SCN2A: variants seen among roughly 807,000 people sequenced by gnomAD.
The protein encoded by SCN2A is sodium channel protein type 2 subunit alpha.
Under a neutral mutation model 188.7 loss-of-function variants are expected in SCN2A, and 20 were observed. That is an observed-to-expected ratio of 0.11 (90% CI 0.07 to 0.15). SCN2A has a LOEUF of 0.15. Ranked by LOEUF, SCN2A falls within the 10% of genes least tolerant of loss-of-function variation. The pLI is 1.00. For missense variants in SCN2A, 1,278 were observed against 2,445.0 expected (o/e 0.52, Z 10.07); for synonymous variants, 804 against 833.1 (o/e 0.97, Z 0.60).
chr2:165,356,068 G>A (rs1387907686), intron 17 of SCN2A, among the ~76,000 whole-genome samples: 1 of 151,804 alleles, frequency 6.6e-6, no homozygotes, highest in Non-Finnish European at 1.5e-5. Flanking sequence ...TTACTAAAGA[G>A]TATGTTATTT....
chr2:165,265,485 A>ATG (rs1694809577), intron 1 of SCN2A, among the ~76,000 whole-genome samples: 1 of 108,250 alleles, frequency 9.2e-6, no homozygotes, highest in Admixed American at 8.5e-5. Flanking sequence ...ATATATATAT[A>ATG]TATATATATA....
At chr2:165,296,970 A>C in intron 2 of SCN2A, 47 bp from the exon 3 acceptor site, 1 of 947,108 alleles carries the variant, frequency 1.1e-6, no homozygotes, top group Non-Finnish European at 1.7e-6. Flanking sequence ...AAATATTCTT[A>C]ATATATATTC....
intron 1 of SCN2A, among the ~76,000 whole-genome samples, chr2:165,252,547 C>T (rs1477250053): frequency 2.0e-5 from 3 of 151,690 alleles, no homozygotes. Flanking sequence ...GAGCATCATG[C>T]CATTAAACAA....
At chr2:165,248,637 T>C (rs1364064781) in intron 1 of SCN2A, among the ~76,000 whole-genome samples, 1 of 152,054 alleles carries the variant, frequency 6.6e-6, no homozygotes, top group Non-Finnish European at 1.5e-5. Flanking sequence ...TTTCCTTTTC[T>C]TTCCTTTCTT....
At chr2:165,355,033 T>G (rs1288336833) in intron 17 of SCN2A, among the ~76,000 whole-genome samples, 1 of 152,334 alleles carries the variant, frequency 6.6e-6, no homozygotes. Context: ...TGGAAAAATA[T>G]CTGATGAGAG....
At chr2:165,344,029 C>T (rs1699441911) in intron 15 of SCN2A, among the ~76,000 whole-genome samples, 1 of 152,030 alleles carries the variant, frequency 6.6e-6, no homozygotes, top group African/African-American at 2.4e-5. Context: ...TCTGCTTTGG[C>T]CTTTTAAAAA....
At chr2:165,286,000 C>T (rs1695811385) in intron 1 of SCN2A, 1 of 203,300 alleles carries the variant, frequency 4.9e-6, no homozygotes. Flanking sequence ...ATGAAGACTT[C>T]GTGATATCCG....
intron 1 of SCN2A, among the ~76,000 whole-genome samples, chr2:165,278,709 A>AGG (rs796743139): frequency 3.9e-5 from 6 of 152,150 alleles, no homozygotes; most frequent in African/African-American, 1.2e-4. Flanking sequence ...AGGCCAAGGC[A>AGG]GGGGGATTAC....
chr2:165,386,864 A>G lies in SCN2A; in HGVS notation c.4670A>G (p.Gln1557Arg). ...ATGGTGGAAACCGATGACCAGAGTC[A>G]AGAAATGACAAACATTCTGTACTGG... ...TMMVETDDQS[Q>R]EMTNILYWIN... The change falls in exon 26 of 27, where the codon CAA (glutamine) becomes CGA (arginine). Residue 1557 changes from glutamine (Q) to arginine (R), a missense_variant. Physicochemically the swap from Gln to Arg is conservative, Grantham distance 43. Around this residue, in one of 17 missense-constraint regions of SCN2A, gnomAD observed 97 missense variants for 266.1 expected, o/e 0.36. Coordinates refer to ENST00000375437, the MANE Select transcript of SCN2A (RefSeq NM_001040142.2). 1 of 1,613,978 alleles carries G rather than the reference A, an allele frequency of 6.2e-7. No individual in the cohort carries two copies. Among genetic ancestry groups the G allele is most frequent in the Non-Finnish European group, 8.5e-7 (1 of 1,179,950 alleles).
intron 13 of SCN2A, chr2:165,328,487 G>A (rs918300124): frequency 2.0e-6 from 2 of 985,778 alleles, no homozygotes; most frequent in Non-Finnish European, 2.4e-6. Context: ...TTCTGCTACC[G>A]ATGTCAGCAG....
chr2:165,370,420 C>T, intron 20 of SCN2A, 121 bp downstream of exon 20: 1 of 1,034,518 alleles, frequency 9.7e-7, no homozygotes, highest in Non-Finnish European at 1.5e-6. Flanking sequence ...AATTATGTTT[C>T]TCATTTCACA....
At chr2:165,370,683 G>A (rs750300694) in intron 20 of SCN2A, 1 of 210,954 alleles carries the variant, frequency 4.7e-6, no homozygotes, top group African/African-American at 2.3e-5. Flanking sequence ...AGCCTGTTGA[G>A]TTTAGGTCAC....
chr2:165,349,546 GA>G (rs1236879300), intron 16 of SCN2A, among the ~76,000 whole-genome samples: 1 of 143,016 alleles, frequency 7.0e-6, no homozygotes, highest in Non-Finnish European at 1.5e-5. Flanking sequence ...AGAATTTCAG[GA>G]AATATCAAGT....
chr2:165,314,737 CT>C (rs1697639309), intron 10 of SCN2A, among the ~76,000 whole-genome samples: 1 of 152,134 alleles, frequency 6.6e-6, no homozygotes, highest in Non-Finnish European at 1.5e-5. Flanking sequence ...GCAAGAATTT[CT>C]CTAATTATAT....
intron 1 of SCN2A, chr2:165,268,233 A>T (rs1324300304): frequency 6.6e-6 from 1 of 152,016 alleles, no homozygotes; most frequent in Non-Finnish European, 1.5e-5. Context: ...GGACACAAGA[A>T]AAAAGAAAAC....
At chr2:165,346,706 A>G (rs1699608115) in intron 16 of SCN2A, among the ~76,000 whole-genome samples, 1 of 152,008 alleles carries the variant, frequency 6.6e-6, no homozygotes, top group African/African-American at 2.4e-5. Context: ...CAATCTATCC[A>G]TCTAATATCC....
intron 1 of SCN2A, among the ~76,000 whole-genome samples, chr2:165,251,426 C>A (rs1390412765): frequency 1.3e-5 from 2 of 152,012 alleles, no homozygotes; most frequent in Non-Finnish European, 2.9e-5. Flanking sequence ...TCAAATATAG[C>A]GTGATGATAT....
intron 19 of SCN2A, among the ~76,000 whole-genome samples, chr2:165,369,870 C>G (rs934618383): frequency 1.1e-4 from 16 of 152,140 alleles, no homozygotes; most frequent in African/African-American, 3.9e-4. Flanking sequence ...AGCTGGCAGT[C>G]TCTCAAAAAT....
At chr2:165,326,637 C>G (rs1698373986) in intron 12 of SCN2A, among the ~76,000 whole-genome samples, 1 of 152,096 alleles carries the variant, frequency 6.6e-6, no homozygotes, top group Non-Finnish European at 1.5e-5. Flanking sequence ...CATAGGAAAG[C>G]CCACCTTGAC....
Sources: allele counts gnomAD v4.1 joint callset (sites outside exome capture counted in the v4.1 genomes callset), GRCh38; gene constraint gnomAD v4.1.1; regional missense constraint gnomAD v4.1.1; transcripts MANE v1.5; gene names NCBI Gene and HGNC (gene_info 2026-07-23, HGNC 2026-07-21).